NRN1L: variants seen among roughly 807,000 people sequenced by gnomAD.
NRN1L encodes the protein neuritin-like protein.
NRN1L carries 12 observed loss-of-function variants against 8.8 expected under a neutral mutation model. The observed-to-expected ratio is 1.36, with a 90% CI of 0.87 to 2.20. The LOEUF is 2.20. Among genes scored for constraint, NRN1L ranks in the 30% most tolerant of loss-of-function variants. NRN1L has a pLI of 0.00. For missense variants in NRN1L, 266 were observed against 232.4 expected, an observed-to-expected ratio of 1.14 and a Z score of -0.94; for synonymous variants, 114 against 99.2, an observed-to-expected ratio of 1.15 and a Z score of -0.88.
At position 67,886,011 on chromosome 16, in the gene NRN1L, C is replaced by T; in HGVS notation, c.250C>T (p.Leu84=). Residue 84 remains leucine, a synonymous_variant, in exon 3 of 3, where the codon CTG becomes TTG. Transcript: ENST00000339176. The part of the protein sequence containing the change: ...NDFHACASQV[L]SGCPEEAAAV... ...CTTCCATGCCTGTGCCTCTCAGGTC[C>T]TGTCAGGCTGTCCGGAGGAGGCAGC... 6.2e-7 allele frequency: 1 copy of T among 1,614,186 alleles called. No homozygotes were observed. The highest frequency in any genetic ancestry group is 8.5e-7 in the Non-Finnish European group (1 of 1,180,028).
intron 1 of NRN1L, chr16:67,885,441 C>T (rs1598180846): frequency 2.0e-6 from 1 of 488,868 alleles, no homozygotes; most frequent in Non-Finnish European, 3.6e-6. Context: ...TTTACATGGA[C>T]CCTTGTCACC....
chr16:67,885,713 C>CCCCCCCACA lies in NRN1L; in HGVS notation c.80-9_80-8insCCCCCCACA. On this transcript the variant is annotated splice_polypyrimidine_tract_variant and intron_variant, in intron 1 of 2. Transcript: ENST00000339176. ...TTCCTTCCCCACCCCACCCCCGCCCCACTTCTAGTCCTTTTACCTCCCCTG... is the reference window on the plus strand; with the variant it reads ...TTCCTTCCCCACCCCACCCCCGCCCCCCCCCCACAACTTCTAGTCCTTTTACCTCCCCTG... The CCCCCCCACA allele has an allele frequency of 6.6e-7, 1 of 1,509,812 alleles. No homozygotes were observed. Among genetic ancestry groups the CCCCCCCACA allele is most frequent in the Non-Finnish European group, 9.1e-7 (1 of 1,104,180 alleles). The allele number at this position is 1,509,812 out of a possible 1,614,324, so 93.5% of individuals were successfully genotyped here.
At chr16:67,885,096 C>A in intron 1 of NRN1L, 114 bp downstream of exon 1, 1 of 843,382 alleles carries the variant, frequency 1.2e-6, no homozygotes, top group South Asian at 1.5e-5. Flanking sequence ...GTTGTAAGGG[C>A]TCCAGGAAGG....
At position 67,886,270 on chromosome 16, in the gene NRN1L, T is replaced by TGGGTA; in HGVS notation, c.*13_*17dup. 1 of 1,573,614 alleles carries TGGGTA rather than the reference T, an allele frequency of 6.4e-7. No homozygotes were observed. Among genetic ancestry groups the TGGGTA allele is most frequent in the African/African-American group, 1.3e-5 (1 of 74,270 alleles). On this transcript the variant is annotated 3_prime_UTR_variant, in exon 3 of 3. Transcript: ENST00000339176. Reference sequence around the variant, plus strand: ...AGGCCTCTGGCCTAGCTTGTTGGGTTGGGTAGCAGCGCCCGTACCTCCAGC... The same window carrying TGGGTA: ...AGGCCTCTGGCCTAGCTTGTTGGGTTGGGTAGGGTAGCAGCGCCCGTACCTCCAGC...
downstream of NRN1L, among the ~76,000 whole-genome samples, chr16:67,886,787 C>T (rs1430041551): frequency 6.6e-6 from 1 of 152,236 alleles, no homozygotes; most frequent in Non-Finnish European, 1.5e-5. Context: ...CTCTCTCTGC[C>T]TGTCACCTCA....
Position 67,886,310 on chromosome 16 carries a change from G to A in NRN1L, c.*51G>A, listed in dbSNP as rs778682408. Reference sequence around the variant, plus strand: ...GTACCTCCAGCCCTGCTCTGGCGGTGGTTGTCCAGGCTCTGCAGAGCGCAG... The same window carrying A: ...GTACCTCCAGCCCTGCTCTGGCGGTAGTTGTCCAGGCTCTGCAGAGCGCAG... On this transcript the variant is annotated 3_prime_UTR_variant, in exon 3 of 3. Transcript: ENST00000339176. 7 of 1,461,716 alleles carry A rather than the reference G, an allele frequency of 4.8e-6. No homozygotes were observed. The South Asian group carries it at 6.4e-5, about 13-fold the overall frequency. 90.5% of individuals were successfully genotyped at this position (1,461,716 alleles called of 1,614,324 possible). A position where few individuals can be genotyped will look rare whatever the true frequency, so the allele number is the denominator to read the frequency against.
rs763496028 is a variant in NRN1L, at chr16:67,886,081, G to A, written c.320G>A (p.Arg107His). 33 of 1,613,196 alleles carry A rather than the reference G, an allele frequency of 2.0e-5. No individual in the cohort carries two copies. Among genetic ancestry groups the A allele is most frequent in the South Asian group, 4.4e-5 (4 of 90,928 alleles). The change falls in exon 3 of 3, where the codon CGT becomes CAT. Residue 107 changes from arginine (R) to histidine (H), a missense_variant. Physicochemically the swap from Arg to His is conservative, Grantham distance 29. Transcript: ENST00000339176. ...SLQQEARQAP[R>H]PNNLHTLCGA... is the part of the protein sequence containing the mutation. ...CAGCAAGAAGCTCGCCAGGCCCCCC[G>A]TCCGAATAACTTGCACACTCTGTGC... is the stretch of plus-strand genomic sequence containing the variant.
downstream of NRN1L, among the ~76,000 whole-genome samples, chr16:67,886,945 G>T (rs1196824583): frequency 6.6e-6 from 1 of 152,228 alleles, no homozygotes; most frequent in African/African-American, 2.4e-5. Context: ...AAAAACTGGA[G>T]TCACCATAAG....
chr16:67,885,169 C>A (rs2058090144), intron 1 of NRN1L, 187 bp downstream of exon 1: 1 of 606,770 alleles, frequency 1.6e-6, no homozygotes, highest in African/African-American at 1.9e-5. Context: ...GGGAGAAGGA[C>A]TCCAAAATTT....
chr16:67,886,059 C>A lies in NRN1L; in HGVS notation c.298C>A (p.Gln100Lys). 6.2e-7 allele frequency: 1 copy of A among 1,613,986 alleles called. No individual in the cohort carries two copies. Among genetic ancestry groups the A allele is most frequent in the Non-Finnish European group, 8.5e-7 (1 of 1,179,946 alleles). Residue 100 changes from glutamine to lysine, a missense_variant, in exon 3 of 3, where the codon CAA becomes AAA. Coordinates refer to ENST00000339176, the MANE Select transcript of NRN1L (RefSeq NM_198443.2). The part of the protein sequence containing the change: ...EAAAVWESLQ[Q>K]EARQAPRPNN... Reference sequence around the variant, plus strand: ...AGCTGCAGTGTGGGAATCACTACAGCAAGAAGCTCGCCAGGCCCCCCGTCC... The same window carrying A: ...AGCTGCAGTGTGGGAATCACTACAGAAAGAAGCTCGCCAGGCCCCCCGTCC...
At chr16:67,887,584 C>CTT (rs754203845), downstream of NRN1L, among the ~76,000 whole-genome samples, 5 of 138,662 alleles carry the variant, frequency 3.6e-5, no homozygotes, top group African/African-American at 5.2e-5. Context: ...TCTTTACTTT[C>CTT]TTTTTTTTTT....
Position 67,886,277 on chromosome 16 carries a change from C to A in NRN1L, c.*18C>A. Reference sequence around the variant, plus strand: ...TGGCCTAGCTTGTTGGGTTGGGTAGCAGCGCCCGTACCTCCAGCCCTGCTC... The same window carrying A: ...TGGCCTAGCTTGTTGGGTTGGGTAGAAGCGCCCGTACCTCCAGCCCTGCTC... On this transcript the variant is annotated 3_prime_UTR_variant, in exon 3 of 3. Coordinates refer to ENST00000339176, the MANE Select transcript of NRN1L (RefSeq NM_198443.2). The A allele has an allele frequency of 6.4e-7, 1 of 1,564,496 alleles. No homozygotes were observed. The highest frequency in any genetic ancestry group is 8.6e-7 in the Non-Finnish European group (1 of 1,160,828).
At chr16:67,885,607 G>T (rs538337786) in intron 1 of NRN1L, 115 bp from the exon 2 acceptor site, 3 of 782,710 alleles carry the variant, frequency 3.8e-6, no homozygotes, top group South Asian at 1.9e-5. Context: ...CCCTTTTTCC[G>T]CTGAGTCACA....
chr16:67,884,890 G>T lies in NRN1L; in HGVS notation c.-14G>T. 1 of 1,602,956 alleles carries T rather than the reference G, an allele frequency of 6.2e-7. No homozygotes were observed. On this transcript the variant is annotated 5_prime_UTR_variant, in exon 1 of 3. Coordinates refer to ENST00000339176, the MANE Select transcript of NRN1L (RefSeq NM_198443.2). This position sits in a 1 kb window ranked among gnomAD's most constrained non-coding sequence, Gnocchi z 4.1. ...TCCAAGCAGCTAGCTCCTGCACTAG[G>T]CTCTCAGCCAGGGATGATGCGCTGC...
chr16:67,885,121 C>G, intron 1 of NRN1L, 139 bp downstream of exon 1: 1 of 698,554 alleles, frequency 1.4e-6, no homozygotes, highest in Non-Finnish European at 2.4e-6. Flanking sequence ...CTGGTGACTT[C>G]AGGACAGAAA....
chr16:67,887,391 G>A (rs2058099790), downstream of NRN1L, among the ~76,000 whole-genome samples: 1 of 151,262 alleles, frequency 6.6e-6, no homozygotes. Context: ...TCCTGCCTCA[G>A]CCTCCCTAGT....
At position 67,886,094 on chromosome 16, in the gene NRN1L, G is replaced by A. The variant is rs1174973083; in HGVS notation, c.333G>A (p.Leu111=). 5 of 1,613,266 alleles carry A rather than the reference G, an allele frequency of 3.1e-6. No homozygotes were observed. The highest frequency in any genetic ancestry group is 1.7e-6 in the Non-Finnish European group (2 of 1,179,798). Reference sequence around the variant, plus strand: ...GCCAGGCCCCCCGTCCGAATAACTTGCACACTCTGTGCGGTGCCCCGGTGC... The same window carrying A: ...GCCAGGCCCCCCGTCCGAATAACTTACACACTCTGTGCGGTGCCCCGGTGC... ...EARQAPRPNN[L]HTLCGAPVHV... Residue 111 remains leucine, a synonymous_variant, in exon 3 of 3, where the codon TTG becomes TTA. Transcript: ENST00000339176.
rs748027241 is a variant in NRN1L, at chr16:67,886,042, T to C, written c.281T>C (p.Val94Ala). The C allele has an allele frequency of 2.5e-6, 4 of 1,614,094 alleles. No individual in the cohort carries two copies. Among genetic ancestry groups the C allele is most frequent in the East Asian group, 4.5e-5 (2 of 44,880 alleles). Residue 94 changes from valine (V) to alanine (A), a missense_variant, in exon 3 of 3, where the codon GTG (valine) becomes GCG (alanine). Val to Ala is a moderately conservative substitution (Grantham distance 64, BLOSUM62 0). Coordinates refer to ENST00000339176, the MANE Select transcript of NRN1L (RefSeq NM_198443.2). The stretch of plus-strand genomic sequence containing the variant: ...GGCTGTCCGGAGGAGGCAGCTGCAG[T>C]GTGGGAATCACTACAGCAAGAAGCT... The part of the protein sequence containing the change: ...LSGCPEEAAA[V>A]WESLQQEARQ...
In NRN1L at chr16:67,885,814, G is replaced by A. The variant is rs1362013627; in HGVS notation, c.172G>A (p.Asp58Asn). The A allele has an allele frequency of 6.3e-7, 1 of 1,585,010 alleles. No homozygotes were observed. Among genetic ancestry groups the A allele is most frequent in the South Asian group, 1.2e-5 (1 of 85,854 alleles). The change falls in exon 2 of 3, where the codon GAC becomes AAC. Residue 58 changes from aspartate to asparagine, a missense_variant. Physicochemically the swap from Asp to Asn is conservative, Grantham distance 23 (BLOSUM62 1). Coordinates refer to ENST00000339176, the MANE Select transcript of NRN1L (RefSeq NM_198443.2). Reference protein sequence around the residue: ...GFAECLIRLGDSMGRGGELET... With the variant: ...GFAECLIRLGNSMGRGGELET... ...CGCCGAGTGTCTCATCCGCTTGGGGGACAGCATGGGCCGCGGAGGCGAGCT... is the reference window on the plus strand; with the variant it reads ...CGCCGAGTGTCTCATCCGCTTGGGGAACAGCATGGGCCGCGGAGGCGAGCT...
Sources: allele counts gnomAD v4.1 joint callset (sites outside exome capture counted in the v4.1 genomes callset), GRCh38; gene constraint gnomAD v4.1.1; non-coding constraint Gnocchi (gnomAD v3.1); transcripts MANE v1.5; gene names NCBI Gene and HGNC (gene_info 2026-07-23, HGNC 2026-07-21).